ZCWPW2: variants seen among roughly 807,000 people sequenced by gnomAD.
The protein encoded by ZCWPW2 is zinc finger CW-type and PWWP domain containing 2, also known as zinc finger CW-type PWWP domain protein 2.
Under a neutral mutation model 46.6 loss-of-function variants are expected in ZCWPW2, and 45 were observed. The ratio of observed to expected loss-of-function variants is 0.96; its 90% CI spans 0.76 to 1.24. The LOEUF is 1.24. ZCWPW2 is among the 50% of genes most tolerant of loss of function. The pLI is 0.00. For synonymous variants in ZCWPW2, 152 were observed against 137.1 expected, an observed-to-expected ratio of 1.11 and a Z score of -0.76; for missense variants, 429 against 403.9, an observed-to-expected ratio of 1.06 and a Z score of -0.53.
At chr3:28,400,042 A>C (rs908538360) in intron 2 of ZCWPW2, among the ~76,000 whole-genome samples, 1 of 152,336 alleles carries the variant, frequency 6.6e-6, no homozygotes, top group Non-Finnish European at 1.5e-5. Flanking sequence ...TGATACAAGA[A>C]GTGAAGGGAC....
chr3:28,401,010 T>C (rs978208428), intron 2 of ZCWPW2, among the ~76,000 whole-genome samples: 1 of 151,874 alleles, frequency 6.6e-6, no homozygotes, highest in African/African-American at 2.4e-5. Context: ...AAACCCCATC[T>C]CTACTAAAAA....
intron 2 of ZCWPW2, among the ~76,000 whole-genome samples, chr3:28,405,667 C>T (rs780420141): frequency 1.1e-4 from 17 of 151,772 alleles, no homozygotes; most frequent in Admixed American, 3.9e-4. Flanking sequence ...GTAGAGACGG[C>T]GTTTCACTGT....
chr3:28,506,139 A>T (rs950329547), intron 6 of ZCWPW2, among the ~76,000 whole-genome samples: 5 of 148,190 alleles, frequency 3.4e-5, no homozygotes, highest in Non-Finnish European at 7.4e-5. Context: ...TTTAATATAT[A>T]TATATAGTCT....
At chr3:28,373,885 A>T (rs561120649) in intron 1 of ZCWPW2, among the ~76,000 whole-genome samples, 1 of 152,152 alleles carries the variant, frequency 6.6e-6, no homozygotes, top group East Asian at 1.9e-4. Flanking sequence ...ATCCCTATAG[A>T]TTCTGGTTAT....
intron 1 of ZCWPW2, among the ~76,000 whole-genome samples, chr3:28,384,615 T>C (rs1695207684): frequency 1.4e-5 from 2 of 140,850 alleles, no homozygotes. Context: ...TCTTTCTTTC[T>C]TTTTTTTTTT....
chr3:28,463,090 A>C (rs1698701835), intron 4 of ZCWPW2, among the ~76,000 whole-genome samples: 1 of 152,142 alleles, frequency 6.6e-6, no homozygotes, highest in African/African-American at 2.4e-5. Context: ...CTTGCTCCAA[A>C]CATTTCCATG....
intron 1 of ZCWPW2, among the ~76,000 whole-genome samples, chr3:28,350,731 A>G (rs1704518188): frequency 6.6e-6 from 1 of 151,890 alleles, no homozygotes. Flanking sequence ...CACAGTTCAT[A>G]TATAATCATG....
At chr3:28,378,267 G>A (rs1389127362) in intron 1 of ZCWPW2, among the ~76,000 whole-genome samples, 1 of 151,822 alleles carries the variant, frequency 6.6e-6, no homozygotes, top group African/African-American at 2.4e-5. Flanking sequence ...AAAGATAAAT[G>A]TAGTTTAAAG....
Position 28,401,036 on chromosome 3 carries a change from G to T in ZCWPW2, c.-14+10419G>T, listed in dbSNP as rs1237979028. ...CTACTAAAAATACAAAAAATTAGCC[G>T]GGCGTGGTGGCAGGCGCCTGTAGTC... On this transcript the variant is annotated intron_variant, in intron 2 of 9. Coordinates refer to ENST00000383768, the MANE Select transcript of ZCWPW2 (RefSeq NM_001040432.4). Among the ~76,000 whole-genome samples the T allele has an allele frequency of 2.6e-5, 4 of 152,000 alleles. No homozygotes were observed. In the South Asian group the frequency reaches 8.3e-4, roughly 32 times the overall value.
chr3:28,428,602 A>C (rs912773039), intron 3 of ZCWPW2, among the ~76,000 whole-genome samples: 1 of 152,200 alleles, frequency 6.6e-6, no homozygotes, highest in African/African-American at 2.4e-5. Context: ...AATTATGATC[A>C]GTAATGACAC....
chr3:28,485,378 T>C (rs1247525623), intron 5 of ZCWPW2, among the ~76,000 whole-genome samples: 3 of 152,186 alleles, frequency 2.0e-5, no homozygotes, highest in Non-Finnish European at 4.4e-5. Context: ...ATTCTGCTGT[T>C]GTTGGATGAA....
At chr3:28,516,626 T>C (rs1559537076) in intron 8 of ZCWPW2, among the ~76,000 whole-genome samples, 1 of 152,202 alleles carries the variant, frequency 6.6e-6, no homozygotes, top group Non-Finnish European at 1.5e-5. Flanking sequence ...ATCAGTGATA[T>C]ATTCCCTTTT....
chr3:28,349,257 C>T, intron 1 of ZCWPW2, 54 bp downstream of exon 1: 1 of 958,392 alleles, frequency 1.0e-6, no homozygotes, highest in Admixed American at 6.2e-5. Flanking sequence ...CCTTCAGGGG[C>T]GCCCTCTGGT....
chr3:28,413,315 C>CCCTGAAG lies in ZCWPW2; in HGVS notation c.247_248insCCTGAAG (p.Gln83ProfsTer2). ...TGAAGAAGACTTCCCTGAAGAGTCTCAGCTTCATCAGTGTGGATTTAAGAT... is the reference window on the plus strand; with the variant it reads ...TGAAGAAGACTTCCCTGAAGAGTCTCCCTGAAGAGCTTCATCAGTGTGGATTTAAGAT... On this transcript the variant is annotated stop_gained and frameshift_variant, in exon 3 of 10. Transcript: ENST00000383768. LOFTEE classifies it high-confidence loss of function. 1 of 1,613,228 alleles carries CCCTGAAG rather than the reference C, an allele frequency of 6.2e-7. No individual in the cohort carries two copies. The highest frequency in any genetic ancestry group is 8.5e-7 in the Non-Finnish European group (1 of 1,179,452).
chr3:28,491,583 T>G (rs1358856317), intron 5 of ZCWPW2, among the ~76,000 whole-genome samples: 1 of 151,970 alleles, frequency 6.6e-6, no homozygotes, highest in African/African-American at 2.4e-5. Context: ...GCAGACATTC[T>G]GGAAAAATTA....
chr3:28,409,128 T>C (rs984674740), intron 2 of ZCWPW2, among the ~76,000 whole-genome samples: 59 of 139,936 alleles, frequency 4.2e-4, no homozygotes, highest in African/African-American at 1.2e-3. Flanking sequence ...TTTTCTTTTT[T>C]TTTTTTTTTT....
chr3:28,362,729 GAAATAT>G (rs1161020398), intron 1 of ZCWPW2, among the ~76,000 whole-genome samples: 3 of 152,070 alleles, frequency 2.0e-5, no homozygotes, highest in Admixed American at 2.0e-4. Context: ...CATACCCGAA[GAAATAT>G]AAATTGTTGT....
intron 1 of ZCWPW2, among the ~76,000 whole-genome samples, chr3:28,384,610 C>CTT (rs201820223): frequency 7.7e-5 from 11 of 143,548 alleles, no homozygotes; most frequent in Non-Finnish European, 1.2e-4. Context: ...ACCAATCTTT[C>CTT]TTTCTTTTTT....
chr3:28,356,094 T>C (rs1049113211), intron 1 of ZCWPW2, among the ~76,000 whole-genome samples: 6 of 152,194 alleles, frequency 3.9e-5, no homozygotes, highest in Non-Finnish European at 7.3e-5. Context: ...ATTTTTGCAA[T>C]CTACTCATCT....
Sources: allele counts gnomAD v4.1 joint callset (sites outside exome capture counted in the v4.1 genomes callset), GRCh38; gene constraint gnomAD v4.1.1; transcripts MANE v1.5; gene names NCBI Gene and HGNC (gene_info 2026-07-23, HGNC 2026-07-21).